HS6ST3: variants seen among roughly 807,000 people sequenced by gnomAD.
The protein encoded by HS6ST3 is heparan sulfate 6-O-sulfotransferase 3, also known as heparan-sulfate 6-O-sulfotransferase 3.
A neutral mutation model predicts 36.7 loss-of-function variants in HS6ST3; 12 were observed. The ratio of observed to expected loss-of-function variants is 0.33; its 90% confidence interval spans 0.21 to 0.53. The LOEUF (loss-of-function observed/expected upper bound fraction) is 0.53. HS6ST3 is among the 20% of genes least tolerant of loss of function. The probability of loss-of-function intolerance (pLI) is 0.95; values close to 1 mark genes in which losing one functional copy is unlikely to be tolerated. For missense variants in HS6ST3, 584 were observed against 640.9 expected (o/e 0.91, Z 0.96); for synonymous variants, 240 against 257.5 (o/e 0.93, Z 0.65).
At position 96,751,806 on chromosome 13, in the gene HS6ST3, G is replaced by GTA. The variant is rs1023250089; in HGVS notation, c.708-80673_708-80672dup. 3.7e-3 allele frequency among the ~76,000 whole-genome samples: 552 copies of GTA among 150,232 alleles called. 2 individuals carry two copies. Among genetic ancestry groups the GTA allele is most frequent in the African/African-American group, 0.012 (498 of 40,962 alleles). On this transcript the variant is annotated intron_variant, in intron 1 of 1. Transcript: ENST00000376705. Reference sequence around the variant, plus strand: ...TACATATATACATATGTGTGTATGTGTATATATATATACACATATGTACAC... The same window carrying GTA: ...TACATATATACATATGTGTGTATGTGTATATATATATATACACATATGTACAC...
At chr13:96,310,108 T>G (rs944157178) in intron 1 of HS6ST3, among the ~76,000 whole-genome samples, 4 of 152,206 alleles carry the variant, frequency 2.6e-5, no homozygotes, top group Non-Finnish European at 4.4e-5. Flanking sequence ...AATCTACTCT[T>G]CAAGAATTTT....
chr13:96,250,408 G>A (rs1053152721), intron 1 of HS6ST3, among the ~76,000 whole-genome samples: 2 of 152,204 alleles, frequency 1.3e-5, no homozygotes, highest in African/African-American at 4.8e-5. Flanking sequence ...TGCATTACCT[G>A]GTGGGCCTTG....
intron 1 of HS6ST3, among the ~76,000 whole-genome samples, chr13:96,467,488 A>G (rs946650670): frequency 3.3e-5 from 5 of 152,202 alleles, no homozygotes; most frequent in Non-Finnish European, 7.3e-5. Flanking sequence ...TAGAGTTTCT[A>G]ATGAAAACCA....
intron 1 of HS6ST3, among the ~76,000 whole-genome samples, chr13:96,277,422 A>G (rs961095583): frequency 7.9e-5 from 12 of 152,186 alleles, no homozygotes; most frequent in Non-Finnish European, 1.5e-5. Flanking sequence ...AGTCGATACC[A>G]CTGTCTTATT....
At chr13:96,139,352 A>C (rs988554429) in intron 1 of HS6ST3, among the ~76,000 whole-genome samples, 5 of 152,044 alleles carry the variant, frequency 3.3e-5, no homozygotes, top group Non-Finnish European at 7.4e-5. Context: ...AATCAAAGGA[A>C]AGAATACATG....
At chr13:96,647,203 T>G (rs2056591685) in intron 1 of HS6ST3, among the ~76,000 whole-genome samples, 2 of 152,042 alleles carry the variant, frequency 1.3e-5, no homozygotes, top group African/African-American at 4.8e-5. Flanking sequence ...AATACTTAAT[T>G]TGACAATTAC....
At chr13:96,176,061 T>C (rs2054211414) in intron 1 of HS6ST3, among the ~76,000 whole-genome samples, 1 of 152,172 alleles carries the variant, frequency 6.6e-6, no homozygotes, top group Non-Finnish European at 1.5e-5. Flanking sequence ...ACTCCTGACC[T>C]CAGGTGATCC....
intron 1 of HS6ST3, among the ~76,000 whole-genome samples, chr13:96,800,542 G>A (rs778871824): frequency 3.3e-5 from 5 of 151,806 alleles, no homozygotes; most frequent in South Asian, 2.1e-4. Flanking sequence ...TGAAATCTGG[G>A]GCAAGGTAAA....
rs768975325 is a variant in HS6ST3 at position 96,832,580 on chromosome 13, C to T, written c.798C>T (p.Thr266=). ...KHVQRGATWK[T]SLHMCDGRSP... ...TCCAGAGAGGGGCCACTTGGAAAAC[C>T]TCTCTTCATATGTGTGATGGAAGAA... The change falls in exon 2 of 2, where the codon ACC becomes ACT. Residue 266 remains threonine, a synonymous_variant. Transcript: ENST00000376705. The T allele has an allele frequency of 6.2e-7, 1 of 1,613,924 alleles. No individual in the cohort carries two copies. Among genetic ancestry groups the T allele is most frequent in the East Asian group, 2.2e-5 (1 of 44,870 alleles).
At chr13:96,195,787 C>T (rs2054309340) in intron 1 of HS6ST3, among the ~76,000 whole-genome samples, 1 of 152,148 alleles carries the variant, frequency 6.6e-6, no homozygotes. Context: ...GAAAGTAATT[C>T]AGAGCCCTTT....
chr13:96,767,469 G>A (rs1352863141), intron 1 of HS6ST3, among the ~76,000 whole-genome samples: 3 of 152,210 alleles, frequency 2.0e-5, no homozygotes, highest in Non-Finnish European at 4.4e-5. Context: ...GCTTTGGTAT[G>A]TATGTGTTGT....
chr13:96,491,247 C>G (rs906969879), intron 1 of HS6ST3, among the ~76,000 whole-genome samples: 1 of 151,748 alleles, frequency 6.6e-6, no homozygotes, highest in African/African-American at 2.4e-5. Context: ...GACAAGTGAC[C>G]ACTGCTGAAA....
chr13:96,811,164 A>G (rs1408865927), intron 1 of HS6ST3, among the ~76,000 whole-genome samples: 2 of 152,224 alleles, frequency 1.3e-5, no homozygotes, highest in Non-Finnish European at 2.9e-5. Flanking sequence ...CAGAAATGAA[A>G]AGCCATTCTT....
At chr13:96,469,806 T>C (rs1208113620) in intron 1 of HS6ST3, among the ~76,000 whole-genome samples, 1 of 152,138 alleles carries the variant, frequency 6.6e-6, no homozygotes, top group East Asian at 1.9e-4. Flanking sequence ...TGGCAGGTTA[T>C]GGCAGTGACT....
intron 1 of HS6ST3, among the ~76,000 whole-genome samples, chr13:96,332,563 T>C (rs9634488): frequency 6.6e-6 from 1 of 152,190 alleles, no homozygotes. Context: ...GGTGGACTTT[T>C]TGTCTTCCTC....
chr13:96,114,863 A>T (rs1295667564), intron 1 of HS6ST3, among the ~76,000 whole-genome samples: 1 of 152,252 alleles, frequency 6.6e-6, no homozygotes, highest in African/African-American at 2.4e-5. Context: ...GAAGCTATTG[A>T]CACTGGACCA....
intron 1 of HS6ST3, among the ~76,000 whole-genome samples, chr13:96,771,249 C>T (rs943835582): frequency 1.1e-4 from 13 of 123,546 alleles, no homozygotes; most frequent in Non-Finnish European, 1.7e-4. Context: ...GGAAGGGGAA[C>T]GTCACACACC....
intron 1 of HS6ST3, among the ~76,000 whole-genome samples, chr13:96,129,036 A>G (rs932397446): frequency 2.0e-5 from 3 of 152,024 alleles, no homozygotes; most frequent in African/African-American, 7.2e-5. Context: ...TATTAGAGAC[A>G]GGGTTTCACC....
chr13:96,586,424 T>G (rs547141593), intron 1 of HS6ST3, among the ~76,000 whole-genome samples: 4 of 152,092 alleles, frequency 2.6e-5, no homozygotes, highest in African/African-American at 7.2e-5. Flanking sequence ...GCCTCCCGAG[T>G]AGCTGGGACT....
Sources: gnomAD v4.1 joint callset for allele counts (sites outside exome capture counted in the v4.1 genomes callset) on GRCh38, gnomAD v4.1.1 for gene constraint, MANE v1.5 for transcripts, NCBI Gene and HGNC (gene_info 2026-07-23, HGNC 2026-07-21) for gene names.